The following ACOT7 variants were observed in gnomAD, a reference collection of about 807,000 sequenced individuals.
ACOT7 encodes the protein acyl-CoA thioesterase 7, also known as cytosolic acyl coenzyme A thioester hydrolase.
ACOT7 carries 12 observed loss-of-function variants against 40.2 expected under a neutral mutation model. That is an observed-to-expected ratio of 0.30 (90% CI 0.19 to 0.48). ACOT7 has a LOEUF of 0.48. ACOT7 is among the 20% of genes least tolerant of loss of function. The pLI is 0.99. For synonymous variants in ACOT7, 228 were observed against 219.5 expected, an observed-to-expected ratio of 1.04 and a Z score of -0.34; for missense variants, 395 against 530.8, an observed-to-expected ratio of 0.74 and a Z score of 2.51.
intron 6 of ACOT7, among the ~76,000 whole-genome samples, chr1:6,300,160 AT>A (rs1322164830): frequency 6.6e-6 from 1 of 152,180 alleles, no homozygotes; most frequent in African/African-American, 2.4e-5. Flanking sequence ...ATACGTCGCC[AT>A]CCAGCAGCTA....
chr1:6,304,492 TA>T (rs1185270246), intron 6 of ACOT7, among the ~76,000 whole-genome samples: 20 of 137,312 alleles, frequency 1.5e-4, no homozygotes, highest in African/African-American at 4.4e-4. Context: ...GGTCAGCAGA[TA>T]AACAAGTGAA....
chr1:6,350,281 G>A (rs1641554423), intron 1 of ACOT7, among the ~76,000 whole-genome samples: 1 of 152,138 alleles, frequency 6.6e-6, no homozygotes. Context: ...CACCACCCCC[G>A]TCAGGAGTCC....
intron 4 of ACOT7, 86 bp from the exon 5 acceptor site, chr1:6,327,499 C>A (rs760776758): frequency 6.1e-6 from 7 of 1,144,880 alleles, no homozygotes; most frequent in Non-Finnish European, 9.0e-6. Context: ...GCCCTTATAG[C>A]CTTGTGTAAC....
Position 6,393,404 on chromosome 1 carries a change from G to C in ACOT7, c.-5C>G, listed in dbSNP as rs1642571300. The C allele has an allele frequency of 1.4e-5, 17 of 1,228,476 alleles. No homozygotes were observed. The highest frequency in any genetic ancestry group is 4.1e-5 in the South Asian group (1 of 24,424). The allele number at this position is 1,228,476 out of a possible 1,614,324, so 76.1% of individuals were successfully genotyped here. Reference sequence around the variant, plus strand: ...AATGAGCCCGGGCCGCGCCATAAAGGGGGAGGGCAGAGGTGGAGCGATGGG... The same window carrying C: ...AATGAGCCCGGGCCGCGCCATAAAGCGGGAGGGCAGAGGTGGAGCGATGGG... On this transcript the variant is annotated 5_prime_UTR_variant, in exon 1 of 9. Coordinates refer to ENST00000361521, the MANE Select transcript of ACOT7 (RefSeq NM_007274.4).
intron 6 of ACOT7, among the ~76,000 whole-genome samples, chr1:6,307,825 CGGGCAGAGGGAACTACAACT>C (rs1418257551): frequency 7.3e-5 from 11 of 149,664 alleles, no homozygotes; most frequent in East Asian, 4.0e-4. Context: ...GAACTGTGAC[CGGGCAGAGGGAACTACAACT>C]GGGCAGAGGG....
intron 3 of ACOT7, among the ~76,000 whole-genome samples, chr1:6,339,013 G>A (rs1429234121): frequency 1.3e-5 from 2 of 152,180 alleles, no homozygotes; most frequent in East Asian, 3.9e-4. Context: ...CCAGGAGCAA[G>A]CACTGTCCTC....
chr1:6,385,773 C>A, intron 1 of ACOT7: 1 of 1,453,180 alleles, frequency 6.9e-7, no homozygotes, highest in South Asian at 1.4e-5. Context: ...TGTGATCCCT[C>A]CCTGATAGAA....
At position 6,278,776 on chromosome 1, in the gene ACOT7, G is replaced by A. The variant is rs572686998; in HGVS notation, c.1014+2326C>T. ...CCGTGTGGTGGCCGGGGAGGCTGGA[G>A]TATCCCTACAGACACTACAGGGTCC... On this transcript the variant is annotated intron_variant, in intron 8 of 8. Coordinates refer to ENST00000361521, the MANE Select transcript of ACOT7 (RefSeq NM_007274.4). This position sits in a 1 kb window ranked among gnomAD's most constrained non-coding sequence, Gnocchi z 4.1. Among the ~76,000 whole-genome samples, 17 of 152,312 alleles carry A rather than the reference G, an allele frequency of 1.1e-4. No homozygotes were observed. Among genetic ancestry groups the A allele is most frequent in the African/African-American group, 4.1e-4 (17 of 41,564 alleles).
At chr1:6,333,002 A>T (rs1173115690) in intron 4 of ACOT7, among the ~76,000 whole-genome samples, 1 of 152,166 alleles carries the variant, frequency 6.6e-6, no homozygotes, top group Non-Finnish European at 1.5e-5. Flanking sequence ...TCAGAAGCAG[A>T]GATCAGAACC....
chr1:6,348,259 C>A (rs1331792897), intron 2 of ACOT7, among the ~76,000 whole-genome samples: 1 of 152,182 alleles, frequency 6.6e-6, no homozygotes, highest in East Asian at 1.9e-4. Context: ...CGACATCCCC[C>A]ACATCCACGT....
intron 6 of ACOT7, among the ~76,000 whole-genome samples, chr1:6,307,333 A>G (rs1640185282): frequency 6.6e-6 from 1 of 152,278 alleles, no homozygotes; most frequent in African/African-American, 2.4e-5. Context: ...CTTCCCACGC[A>G]GGACCTTCAT....
intron 8 of ACOT7, among the ~76,000 whole-genome samples, chr1:6,272,512 G>A (rs1353692504): frequency 6.6e-6 from 1 of 152,178 alleles, no homozygotes; most frequent in Non-Finnish European, 1.5e-5. Flanking sequence ...CCATGCTGGG[G>A]ACTTGCTTCT....
chr1:6,349,761 G>A lies in ACOT7; in HGVS notation c.249C>T (p.Asn83=). Residue 83 remains asparagine (N), a synonymous_variant, in exon 2 of 9, where the codon AAC becomes AAT. Coordinates refer to ENST00000361521, the MANE Select transcript of ACOT7 (RefSeq NM_007274.4). ...AGAIISTRHC[N]SQNGERCVAA... is the part of the protein sequence containing the mutation. Reference sequence around the variant, plus strand: ...CCCAGACCCTTACCCCGTTCTGGCTGTTGCAATGCCGGGTGCTGATGATGG... The same window carrying A: ...CCCAGACCCTTACCCCGTTCTGGCTATTGCAATGCCGGGTGCTGATGATGG... 1 of 1,613,702 alleles carries A rather than the reference G, an allele frequency of 6.2e-7. No homozygotes were observed. The highest frequency in any genetic ancestry group is 1.1e-5 in the South Asian group (1 of 90,958).
rs961870734 is a variant in ACOT7, at chr1:6,282,990, T to C, written c.830-1704A>G. On this transcript the variant is annotated intron_variant, in intron 7 of 8. Coordinates refer to ENST00000361521, the MANE Select transcript of ACOT7 (RefSeq NM_007274.4). This position sits in a 1 kb window ranked among gnomAD's most constrained non-coding sequence, Gnocchi z 4.5. Reference sequence around the variant, plus strand: ...CCTCACCAACAATTGTGTATAACACTTGGGAGTCACAGGCCAAAAAGCAGG... The same window carrying C: ...CCTCACCAACAATTGTGTATAACACCTGGGAGTCACAGGCCAAAAAGCAGG... 73 of 448,506 alleles carry C rather than the reference T, an allele frequency of 1.6e-4. No individual in the cohort carries two copies. Among genetic ancestry groups the C allele is most frequent in the Non-Finnish European group, 1.9e-5 (4 of 214,618 alleles). The allele number at this position is 448,506 out of a possible 1,614,324, so 27.8% of individuals were successfully genotyped here.
rs149698825 is a variant in ACOT7, at chr1:6,327,382, C to T, written c.542G>A (p.Arg181Gln). Reference protein sequence around the residue: ...YSRQEQEEEGRKRYEAQKLER... With the variant: ...YSRQEQEEEGQKRYEAQKLER... The stretch of plus-strand genomic sequence containing the variant: ...CAGCTTCTGGGCTTCATACCGCTTC[C>T]GGCCCTCCTCCTCCTGCTCCTGCCG... The change falls in exon 5 of 9, where the codon CGG becomes CAG. Residue 181 changes from arginine (R) to glutamine (Q), a missense_variant. Arg to Gln is a conservative substitution (Grantham distance 43). Transcript: ENST00000361521. The T allele has an allele frequency of 5.0e-6, 8 of 1,614,078 alleles. No homozygotes were observed. The highest frequency in any genetic ancestry group is 2.2e-5 in the East Asian group (1 of 44,890).
chr1:6,287,008 G>A (rs967641213), intron 7 of ACOT7, among the ~76,000 whole-genome samples: 23 of 152,166 alleles, frequency 1.5e-4, no homozygotes, highest in African/African-American at 5.6e-4. Flanking sequence ...GGATGGTCTC[G>A]ATCTCCTGAC....
At chr1:6,332,642 C>T (rs1571315916) in intron 4 of ACOT7, among the ~76,000 whole-genome samples, 1 of 151,920 alleles carries the variant, frequency 6.6e-6, no homozygotes, top group East Asian at 1.9e-4. Context: ...GGAGAAATCC[C>T]GTCTCTACTA....
At position 6,275,589 on chromosome 1, in the gene ACOT7, C is replaced by T. The variant is rs576572074; in HGVS notation, c.1014+5513G>A. Among the ~76,000 whole-genome samples the T allele has an allele frequency of 1.3e-4, 20 of 152,016 alleles. No homozygotes were observed. In the East Asian group the frequency reaches 3.1e-3, roughly 23 times the overall value. On this transcript the variant is annotated intron_variant, in intron 8 of 8. Coordinates refer to ENST00000361521, the MANE Select transcript of ACOT7 (RefSeq NM_007274.4). The surrounding 1 kb of genome is among the most constrained non-coding windows in gnomAD (Gnocchi z 5.6). ...AAAATTAATAAGGAATGGTGGCATG[C>T]GCCTGTAATCCCAGCTACTCGGGAG...
chr1:6,286,955 T>A (rs1455232660), intron 7 of ACOT7, among the ~76,000 whole-genome samples: 1 of 152,042 alleles, frequency 6.6e-6, no homozygotes, highest in Non-Finnish European at 1.5e-5. Context: ...AGAAGCTAAT[T>A]TTTTGTATTT....
Sources: allele counts gnomAD v4.1 joint callset (sites outside exome capture counted in the v4.1 genomes callset), GRCh38; gene constraint gnomAD v4.1.1; non-coding constraint Gnocchi (gnomAD v3.1); transcripts MANE v1.5; gene names NCBI Gene and HGNC (gene_info 2026-07-23, HGNC 2026-07-21).